The following LSAMP variants were observed in gnomAD, a reference collection of about 807,000 sequenced individuals.
The protein encoded by LSAMP is limbic system-associated membrane protein.
Under a neutral mutation model 38.6 loss-of-function variants are expected in LSAMP, and 7 were observed. The ratio of observed to expected loss-of-function variants is 0.18; its 90% CI spans 0.10 to 0.34. The LOEUF (loss-of-function observed/expected upper bound fraction) is 0.34, where lower values mean the gene tolerates loss of function less well. LSAMP is among the 10% of genes least tolerant of loss of function. The pLI, the probability that LSAMP is intolerant of heterozygous loss-of-function variation, is 1.00. For synonymous variants in LSAMP, 154 were observed against 166.8 expected, an observed-to-expected ratio of 0.92 and a Z score of 0.59; for missense variants, 313 against 420.0, an observed-to-expected ratio of 0.75 and a Z score of 2.23.
intron 1 of LSAMP, among the ~76,000 whole-genome samples, chr3:116,126,528 G>C (rs1576379170): frequency 6.6e-6 from 1 of 152,222 alleles, no homozygotes; most frequent in East Asian, 1.9e-4. Context: ...CCTACTTGCA[G>C]ATAAGAATAG....
intron 1 of LSAMP, among the ~76,000 whole-genome samples, chr3:116,214,626 C>G (rs1415237236): frequency 2.0e-5 from 3 of 151,798 alleles, no homozygotes; most frequent in Non-Finnish European, 4.4e-5. Flanking sequence ...CCTCAGCCTC[C>G]CAATTAGCTG....
At chr3:116,278,025 A>G (rs1309755441) in intron 1 of LSAMP, among the ~76,000 whole-genome samples, 2 of 152,194 alleles carry the variant, frequency 1.3e-5, no homozygotes, top group African/African-American at 4.8e-5. Context: ...CACATTTAGG[A>G]GAGAAACTGA....
At chr3:116,075,545 G>GT (rs35574635) in intron 2 of LSAMP, among the ~76,000 whole-genome samples, 19,270 of 131,164 alleles carry the variant, frequency 0.15, 1,421 homozygotes, top group Non-Finnish European at 0.18. Flanking sequence ...TCACTTTATC[G>GT]TTTTTTTTTT....
chr3:116,057,939 ACACACACACACACACACC>A (rs1373703259), intron 2 of LSAMP, among the ~76,000 whole-genome samples: 1,091 of 106,402 alleles, frequency 0.01, 10 homozygotes, highest in African/African-American at 0.035. Context: ...AGCTACACAC[ACACACACACACACACACC>A]CACACACACA....
chr3:116,105,734 A>C (rs1011945587), intron 1 of LSAMP, among the ~76,000 whole-genome samples: 5 of 152,036 alleles, frequency 3.3e-5, no homozygotes, highest in East Asian at 1.9e-4. Flanking sequence ...CCATCTGGGC[A>C]TATACGTGCA....
At chr3:116,439,415 T>C (rs2049401211) in intron 1 of LSAMP, among the ~76,000 whole-genome samples, 1 of 151,798 alleles carries the variant, frequency 6.6e-6, no homozygotes, top group Non-Finnish European at 1.5e-5. Flanking sequence ...TGAGAACTTG[T>C]GAGAAATGCA....
rs369102350 is a variant in LSAMP at position 116,107,841 on chromosome 3, G to A, written c.156-21285C>T. On this transcript the variant is annotated intron_variant, in intron 1 of 6. Transcript: ENST00000490035. ...ATAATGGATTGTGGAGGGAGGTATT[G>A]AGGATAGGAGAGTATATGGGTTTGG... Among the ~76,000 whole-genome samples the A allele has an allele frequency of 1.1e-3, 160 of 152,318 alleles. 1 individual carries two copies. Among genetic ancestry groups the A allele is most frequent in the African/African-American group, 3.7e-3 (155 of 41,546 alleles).
At chr3:116,350,217 T>G (rs1198741207) in intron 1 of LSAMP, among the ~76,000 whole-genome samples, 1 of 152,082 alleles carries the variant, frequency 6.6e-6, no homozygotes, top group African/African-American at 2.4e-5. Flanking sequence ...AATGTCAGTC[T>G]AAGTAAAATT....
intron 3 of LSAMP, among the ~76,000 whole-genome samples, chr3:115,893,346 A>G (rs894214972): frequency 4.6e-5 from 7 of 151,994 alleles, no homozygotes; most frequent in Non-Finnish European, 8.8e-5. Flanking sequence ...TAGAATGAGA[A>G]CTCTGACGAC....
At chr3:116,115,978 G>T (rs1708733981) in intron 1 of LSAMP, among the ~76,000 whole-genome samples, 1 of 151,252 alleles carries the variant, frequency 6.6e-6, no homozygotes, top group African/African-American at 2.4e-5. Context: ...ATTCAGTTCA[G>T]GAAAGTTTTA....
intron 3 of LSAMP, among the ~76,000 whole-genome samples, chr3:116,012,339 T>C (rs1940354554): frequency 1.3e-5 from 2 of 152,232 alleles, no homozygotes; most frequent in Admixed American, 6.5e-5. Context: ...TCTTGAACAT[T>C]GCAGGTCATT....
chr3:116,002,550 G>A (rs1940028752), intron 3 of LSAMP, among the ~76,000 whole-genome samples: 1 of 150,942 alleles, frequency 6.6e-6, no homozygotes, highest in Admixed American at 6.6e-5. Flanking sequence ...GCATCCCTTG[G>A]AAAAAAAAAT....
chr3:115,912,794 C>G (rs903786566), intron 3 of LSAMP, among the ~76,000 whole-genome samples: 1 of 152,136 alleles, frequency 6.6e-6, no homozygotes, highest in South Asian at 2.1e-4. Flanking sequence ...GTTGAGGCTT[C>G]CTTTGTCTGT....
In LSAMP at chr3:116,087,593, G is replaced by A. The variant is rs181868139; in HGVS notation, c.156-1037C>T. On this transcript the variant is annotated intron_variant, in intron 1 of 6. Coordinates refer to ENST00000490035, the MANE Select transcript of LSAMP (RefSeq NM_002338.5). ...GCAAAGCCAGCTGCTCAACACTCTG[G>A]AGCAGGAGGGAATGAACAGAAAGAG... 2.2e-3 allele frequency among the ~76,000 whole-genome samples: 338 copies of A among 152,270 alleles called. 2 individuals carry two copies. The highest frequency in any genetic ancestry group is 7.6e-3 in the African/African-American group (316 of 41,562).
chr3:116,287,315 G>A (rs1386404837), intron 1 of LSAMP, among the ~76,000 whole-genome samples: 1 of 152,054 alleles, frequency 6.6e-6, no homozygotes, highest in Non-Finnish European at 1.5e-5. Context: ...CCCACCTATA[G>A]CTCTCACAAT....
At chr3:116,427,276 G>A (rs1268249323) in intron 1 of LSAMP, among the ~76,000 whole-genome samples, 3 of 150,908 alleles carry the variant, frequency 2.0e-5, no homozygotes, top group African/African-American at 4.9e-5. Flanking sequence ...GCCCACCACC[G>A]CGCCCGGCTA....
chr3:116,057,957 C>CCA (rs61123270), intron 2 of LSAMP, among the ~76,000 whole-genome samples: 345 of 117,524 alleles, frequency 2.9e-3, no homozygotes, highest in South Asian at 4.3e-3. Flanking sequence ...ACACACACAC[C>CCA]CACACACACA....
chr3:116,400,242 G>A (rs2048820428), intron 1 of LSAMP, among the ~76,000 whole-genome samples: 1 of 151,896 alleles, frequency 6.6e-6, no homozygotes, highest in African/African-American at 2.4e-5. Flanking sequence ...CACTAGATGG[G>A]CAAACATATC....
chr3:116,409,383 CT>C (rs1453042653), intron 1 of LSAMP, among the ~76,000 whole-genome samples: 1 of 152,032 alleles, frequency 6.6e-6, no homozygotes, highest in Admixed American at 6.6e-5. Context: ...TGCCAAGCTG[CT>C]TTGCATGATG....
Sources: allele counts gnomAD v4.1 joint callset (sites outside exome capture counted in the v4.1 genomes callset), GRCh38; gene constraint gnomAD v4.1.1; transcripts MANE v1.5; gene names NCBI Gene and HGNC (gene_info 2026-07-23, HGNC 2026-07-21).